Variants in TRHDE observed in about 807,000 individuals in gnomAD.
TRHDE encodes thyrotropin-releasing hormone-degrading ectoenzyme.
In TRHDE, 72 loss-of-function variants were observed where a neutral mutation model predicts 125.7. That is an observed-to-expected ratio of 0.57 (90% confidence interval 0.47 to 0.70). The LOEUF is 0.70. Ranked by LOEUF, TRHDE falls within the 30% of genes least tolerant of loss-of-function variation. The pLI is 0.00. For missense variants in TRHDE, 1,110 were observed against 1,327.1 expected, an observed-to-expected ratio of 0.84 and a Z score of 2.54; for synonymous variants, 509 against 509.1, an observed-to-expected ratio of 1.00 and a Z score of 0.00.
chr12:72,381,395 G>GTTTTT (rs61184961), intron 3 of TRHDE, among the ~76,000 whole-genome samples: 1 of 137,968 alleles, frequency 7.2e-6, no homozygotes. Context: ...AGATACGAAA[G>GTTTTT]TTTTTTTTTT....
Position 72,537,048 on chromosome 12 carries a change from G to A in TRHDE, c.1723-5243G>A, listed in dbSNP as rs189383725. On this transcript the variant is annotated intron_variant, in intron 6 of 18. Coordinates refer to ENST00000261180, the MANE Select transcript of TRHDE (RefSeq NM_013381.3). ...TTCGTTTAAATTATTGATTTTGGAG[G>A]TGGGTATAAGTGGGTTTCTAATTCT... 2.2e-3 allele frequency among the ~76,000 whole-genome samples: 332 copies of A among 152,188 alleles called. 1 individual carries two copies. The highest frequency in any genetic ancestry group is 3.6e-3 in the Non-Finnish European group (247 of 68,006).
rs1042429289 is a variant in TRHDE, at chr12:72,664,279, C to T, written c.*1084C>T. On this transcript the variant is annotated 3_prime_UTR_variant, in exon 19 of 19. Transcript: ENST00000261180. ...ATTTTCCATCTTGTTTGTTTTCCTA[C>T]CTTATGCTGAGTAGTCCAGAGAGTT... The T allele has an allele frequency of 6.6e-6, 1 of 152,424 alleles. No individual in the cohort carries two copies. Among genetic ancestry groups the T allele is most frequent in the Non-Finnish European group, 1.5e-5 (1 of 68,000 alleles). 9.4% of individuals were successfully genotyped at this position (152,424 alleles called of 1,614,324 possible).
chr12:72,276,994 C>T (rs950764403), intron 1 of TRHDE, among the ~76,000 whole-genome samples: 33 of 152,200 alleles, frequency 2.2e-4, no homozygotes, highest in African/African-American at 7.9e-4. Flanking sequence ...AGTAGGGTAC[C>T]TTAATTTAGA....
At chr12:72,122,341 C>A (rs1215466300) in intron 2 of TRHDE, among the ~76,000 whole-genome samples, 1 of 152,066 alleles carries the variant, frequency 6.6e-6, no homozygotes, top group Admixed American at 6.6e-5. Context: ...TCTTATTAAA[C>A]CTATTGGTTT....
intron 7 of TRHDE, among the ~76,000 whole-genome samples, chr12:72,559,476 TGTAATATATTCTTGTTAAATAGA>T (rs1870074095): frequency 6.6e-6 from 1 of 152,202 alleles, no homozygotes; most frequent in East Asian, 1.9e-4. Flanking sequence ...CATAGGCAGA[TGTAATATATTCTTGTTAAATAGA>T]GTTTTAACTT....
intron 3 of TRHDE, among the ~76,000 whole-genome samples, chr12:72,460,714 G>T (rs1236709685): frequency 6.6e-6 from 1 of 152,016 alleles, no homozygotes; most frequent in Non-Finnish European, 1.5e-5. Flanking sequence ...GGCAAGAAGG[G>T]GTCATTTAAT....
At chr12:72,176,220 A>T (rs903831102) in intron 2 of TRHDE, among the ~76,000 whole-genome samples, 4 of 152,174 alleles carry the variant, frequency 2.6e-5, no homozygotes, top group African/African-American at 7.2e-5. Flanking sequence ...AACTCCCCCA[A>T]ATTAGCTGGG....
intron 10 of TRHDE, among the ~76,000 whole-genome samples, chr12:72,571,188 C>G (rs1213478882): frequency 6.6e-6 from 1 of 151,996 alleles, no homozygotes; most frequent in Non-Finnish European, 1.5e-5. Flanking sequence ...TTTTTGTTTC[C>G]TTTTGTGTGT....
At chr12:72,267,249 A>T (rs994003589) in intron 2 of TRHDE, among the ~76,000 whole-genome samples, 26 of 152,086 alleles carry the variant, frequency 1.7e-4, no homozygotes, top group Non-Finnish European at 4.4e-5. Flanking sequence ...CTTTTTATAG[A>T]GCTTTCTTAT....
chr12:72,372,429 A>G (rs994031555), intron 2 of TRHDE, among the ~76,000 whole-genome samples: 1 of 152,034 alleles, frequency 6.6e-6, no homozygotes, highest in African/African-American at 2.4e-5. Flanking sequence ...TTTTGTTGCC[A>G]TTGCTTTTGG....
At chr12:72,326,133 A>T (rs1187823712) in intron 2 of TRHDE, among the ~76,000 whole-genome samples, 1 of 152,134 alleles carries the variant, frequency 6.6e-6, no homozygotes, top group Non-Finnish European at 1.5e-5. Context: ...CTTTATTATT[A>T]TTATTTTTAA....
chr12:72,246,681 C>T (rs1441932514), intron 2 of TRHDE, among the ~76,000 whole-genome samples: 1 of 152,202 alleles, frequency 6.6e-6, no homozygotes, highest in Non-Finnish European at 1.5e-5. Context: ...ATCACCTCAC[C>T]TTCTATTCCT....
At chr12:72,488,684 A>T (rs559564075) in intron 5 of TRHDE, among the ~76,000 whole-genome samples, 3 of 152,164 alleles carry the variant, frequency 2.0e-5, no homozygotes, top group African/African-American at 7.2e-5. Flanking sequence ...CTTTTTATCC[A>T]ATAGCAGCTG....
At chr12:72,364,537 A>G (rs1245557376) in intron 2 of TRHDE, among the ~76,000 whole-genome samples, 7 of 152,186 alleles carry the variant, frequency 4.6e-5, no homozygotes, top group Admixed American at 3.9e-4. Context: ...AGCACCTAGG[A>G]TAAGTCCTGG....
intron 12 of TRHDE, among the ~76,000 whole-genome samples, chr12:72,611,927 C>T (rs1487424861): frequency 6.6e-6 from 1 of 152,178 alleles, no homozygotes; most frequent in Non-Finnish European, 1.5e-5. Flanking sequence ...CTTTTCTTCA[C>T]TCACTATTAA....
At chr12:72,391,957 T>C (rs1565724769) in intron 3 of TRHDE, among the ~76,000 whole-genome samples, 1 of 152,178 alleles carries the variant, frequency 6.6e-6, no homozygotes, top group Non-Finnish European at 1.5e-5. Context: ...GGAGGCTTTA[T>C]TAAGGCCAAA....
chr12:72,506,662 A>G (rs1399361600), intron 6 of TRHDE, among the ~76,000 whole-genome samples: 1 of 152,154 alleles, frequency 6.6e-6, no homozygotes, highest in Non-Finnish European at 1.5e-5. Flanking sequence ...TTATCTACAA[A>G]GTCTTTCACA....
At chr12:72,388,364 T>G (rs1166278140) in intron 3 of TRHDE, among the ~76,000 whole-genome samples, 1 of 152,208 alleles carries the variant, frequency 6.6e-6, no homozygotes, top group African/African-American at 2.4e-5. Context: ...CTTTATTATT[T>G]GTTTCCCACA....
At chr12:72,300,940 G>A (rs1348618984) in intron 2 of TRHDE, among the ~76,000 whole-genome samples, 3 of 152,014 alleles carry the variant, frequency 2.0e-5, no homozygotes, top group Non-Finnish European at 4.4e-5. Flanking sequence ...GGTTATTTCT[G>A]GAAGTTTTTC....
Sources: gnomAD v4.1 joint callset for allele counts (sites outside exome capture counted in the v4.1 genomes callset) on GRCh38, gnomAD v4.1.1 for gene constraint, MANE v1.5 for transcripts, NCBI Gene and HGNC (gene_info 2026-07-23, HGNC 2026-07-21) for gene names.